Variants in RND3 observed in about 807,000 individuals in gnomAD.
RND3 encodes rho-related GTP-binding protein RhoE.
In RND3, 8 loss-of-function variants were observed where a neutral mutation model predicts 26.5. The observed-to-expected ratio is 0.30, with a 90% CI of 0.18 to 0.54. The LOEUF (loss-of-function observed/expected upper bound fraction) is 0.54, where lower values mean the gene tolerates loss of function less well. Ranked by LOEUF, RND3 falls within the 20% of genes least tolerant of loss-of-function variation. The pLI is 0.94. For missense variants in RND3, 207 were observed against 302.8 expected, an observed-to-expected ratio of 0.68 and a Z score of 2.35; for synonymous variants, 113 against 113.0, an observed-to-expected ratio of 1.00 and a Z score of 0.00.
rs755704322 is a variant in RND3, at chr2:150,471,622, C to T, written c.483+5G>A. On this transcript the variant is annotated splice_donor_5th_base_variant and intron_variant, in intron 5 of 5. Coordinates refer to ENST00000263895, the MANE Select transcript of RND3 (RefSeq NM_005168.5). ...TCCAGTTTTGCACATGGGCAACATACATACCTGGTCATAGGACACTGGCGT... is the reference window on the plus strand; with the variant it reads ...TCCAGTTTTGCACATGGGCAACATATATACCTGGTCATAGGACACTGGCGT... The T allele has an allele frequency of 1.2e-6, 2 of 1,603,788 alleles. No individual in the cohort carries two copies. The highest frequency in any genetic ancestry group is 3.4e-5 in the Admixed American group (2 of 58,278).
At chr2:150,480,797 A>T (rs1158354868) in intron 3 of RND3, among the ~76,000 whole-genome samples, 1 of 152,212 alleles carries the variant, frequency 6.6e-6, no homozygotes, top group East Asian at 1.9e-4. Context: ...TGTACTGCTT[A>T]TTGGAAACCA....
At chr2:150,478,579 C>CAAAAAAAAAAAAAAAAAAAAAA (rs1229770069) in intron 3 of RND3, among the ~76,000 whole-genome samples, 3 of 106,390 alleles carry the variant, frequency 2.8e-5, no homozygotes, top group African/African-American at 1.1e-4. Flanking sequence ...AGCCAAACGG[C>CAAAAAAAAAAAAAAAAAAAAAA]AAAAAAAAAA....
intron 2 of RND3, 144 bp downstream of exon 2, chr2:150,487,124 G>C: frequency 1.4e-6 from 1 of 724,872 alleles, no homozygotes; most frequent in Non-Finnish European, 2.2e-6. Context: ...TCTAATCAGG[G>C]GAAAGTAGTA....
At chr2:150,476,549 A>G (rs1686170995) in intron 3 of RND3, among the ~76,000 whole-genome samples, 1 of 152,348 alleles carries the variant, frequency 6.6e-6, no homozygotes, top group South Asian at 2.1e-4. Flanking sequence ...AAAAGTGTGA[A>G]TAAATAGAGA....
intron 3 of RND3, among the ~76,000 whole-genome samples, chr2:150,485,126 C>T (rs1340367131): frequency 6.6e-6 from 1 of 152,236 alleles, no homozygotes; most frequent in African/African-American, 2.4e-5. Context: ...CCATCCCCAA[C>T]AGAAAACACG....
chr2:150,483,778 T>C (rs1231131798), intron 3 of RND3, among the ~76,000 whole-genome samples: 2 of 152,212 alleles, frequency 1.3e-5, no homozygotes, highest in Non-Finnish European at 2.9e-5. Context: ...AGAATTTAAG[T>C]AAGCAGTGCT....
intron 3 of RND3, among the ~76,000 whole-genome samples, chr2:150,480,452 T>A (rs1309719447): frequency 1.3e-5 from 2 of 152,164 alleles, no homozygotes; most frequent in African/African-American, 4.8e-5. Flanking sequence ...CACGACTAAT[T>A]CATTTGGCAG....
At position 150,486,531 on chromosome 2, in the gene RND3, C is replaced by A. The variant is rs1686366278; in HGVS notation, c.238+163G>T. Among the ~76,000 whole-genome samples the A allele has an allele frequency of 6.6e-6, 1 of 152,236 alleles. No individual in the cohort carries two copies. Among genetic ancestry groups the A allele is most frequent in the Admixed American group, 6.5e-5 (1 of 15,288 alleles). ...ATCTCCTCGTCCACGCTGTCGTCTG[C>A]CGCCCCCACCCAGAAGGGATACAAT... On this transcript the variant is annotated intron_variant, in intron 3 of 5. Coordinates refer to ENST00000263895, the MANE Select transcript of RND3 (RefSeq NM_005168.5). The surrounding 1 kb of genome is among the most constrained non-coding windows in gnomAD (Gnocchi z 4.5).
rs1445520560 is a variant in RND3 at position 150,469,337 on chromosome 2, G to A, written c.*650C>T. On this transcript the variant is annotated 3_prime_UTR_variant, in exon 6 of 6. Coordinates refer to ENST00000263895, the MANE Select transcript of RND3 (RefSeq NM_005168.5). ...ATTTGATCTATGCGATCTTTGTAGTGCTGGTCTACAAATCTTGCAAGATTG... is the reference window on the plus strand; with the variant it reads ...ATTTGATCTATGCGATCTTTGTAGTACTGGTCTACAAATCTTGCAAGATTG... The A allele has an allele frequency of 6.6e-6, 1 of 152,394 alleles. No homozygotes were observed. The highest frequency in any genetic ancestry group is 1.5e-5 in the Non-Finnish European group (1 of 68,008). 9.4% of individuals were successfully genotyped at this position (152,394 alleles called of 1,614,324 possible). A position where few individuals can be genotyped will look rare whatever the true frequency, so the allele number is the denominator to read the frequency against.
chr2:150,480,191 A>C (rs1686246911), intron 3 of RND3, among the ~76,000 whole-genome samples: 1 of 152,194 alleles, frequency 6.6e-6, no homozygotes, highest in Non-Finnish European at 1.5e-5. Context: ...TAATGGATTC[A>C]AGTTTTTGTT....
Position 150,469,956 on chromosome 2 carries a change from T to C in RND3, c.*31A>G. 1 of 1,607,298 alleles carries C rather than the reference T, an allele frequency of 6.2e-7. No homozygotes were observed. Among genetic ancestry groups the C allele is most frequent in the Non-Finnish European group, 8.5e-7 (1 of 1,175,672 alleles). The stretch of plus-strand genomic sequence containing the variant: ...TTTGCTGTTGTTTTTTACACTAGAT[T>C]CCTTTGTCTTCATTAAAGATAATGA... On this transcript the variant is annotated 3_prime_UTR_variant, in exon 6 of 6. Transcript: ENST00000263895.
At chr2:150,485,992 G>C (rs900407898) in intron 3 of RND3, among the ~76,000 whole-genome samples, 1 of 152,128 alleles carries the variant, frequency 6.6e-6, no homozygotes, top group Non-Finnish European at 1.5e-5. Context: ...AGGTCAGGAG[G>C]GGCTGGTGTG....
chr2:150,476,836 A>G (rs1283508774), intron 3 of RND3, among the ~76,000 whole-genome samples: 2 of 152,236 alleles, frequency 1.3e-5, no homozygotes, highest in Non-Finnish European at 2.9e-5. Flanking sequence ...GAAAGGCATC[A>G]GAAACGAGAT....
At chr2:150,483,204 C>A (rs1179022278) in intron 3 of RND3, among the ~76,000 whole-genome samples, 2 of 152,166 alleles carry the variant, frequency 1.3e-5, no homozygotes, top group Non-Finnish European at 2.9e-5. Context: ...ATGATCATGA[C>A]TGCTGGGGGC....
intron 3 of RND3, among the ~76,000 whole-genome samples, chr2:150,477,881 A>T (rs1450156052): frequency 6.6e-6 from 1 of 152,182 alleles, no homozygotes; most frequent in East Asian, 1.9e-4. Context: ...TGACACTTTG[A>T]TCCCATTCTA....
chr2:150,471,464 A>G (rs576278716), intron 5 of RND3, among the ~76,000 whole-genome samples, 163 bp downstream of exon 5: 3 of 152,362 alleles, frequency 2.0e-5, no homozygotes, highest in African/African-American at 7.2e-5. Flanking sequence ...GTACCCGAAT[A>G]TCATGTAATT....
chr2:150,476,537 A>G (rs1254461313), intron 3 of RND3, among the ~76,000 whole-genome samples: 3 of 152,222 alleles, frequency 2.0e-5, no homozygotes, highest in African/African-American at 7.2e-5. Context: ...AGAATCAGGA[A>G]GAAAAGTGTG....
At chr2:150,477,264 T>C (rs1686185111) in intron 3 of RND3, among the ~76,000 whole-genome samples, 3 of 152,146 alleles carry the variant, frequency 2.0e-5, no homozygotes, top group African/African-American at 7.2e-5. Flanking sequence ...CTGTTCCAGG[T>C]GCCTACCAGC....
At chr2:150,474,814 C>T (rs1298493531) in intron 4 of RND3, 61 bp downstream of exon 4, 1 of 956,004 alleles carries the variant, frequency 1.0e-6, no homozygotes, top group Non-Finnish European at 1.7e-6. Context: ...CCCAACAAAC[C>T]CCACGTTTCT....
Sources: gnomAD v4.1 joint callset for allele counts (sites outside exome capture counted in the v4.1 genomes callset) on GRCh38, gnomAD v4.1.1 for gene constraint, Gnocchi (gnomAD v3.1) non-coding constraint, MANE v1.5 for transcripts, NCBI Gene and HGNC (gene_info 2026-07-23, HGNC 2026-07-21) for gene names.